Variants in PDSS2 observed in about 807,000 individuals in gnomAD.
PDSS2 encodes the protein all trans-polyprenyl-diphosphate synthase PDSS2.
In PDSS2, 31 loss-of-function variants were observed where a neutral mutation model predicts 44.5. That is an observed-to-expected ratio of 0.70 (90% confidence interval 0.52 to 0.94). The LOEUF (loss-of-function observed/expected upper bound fraction) is 0.94, where lower values mean the gene tolerates loss of function less well. Ranked by LOEUF, PDSS2 falls within the 40% of genes least tolerant of loss-of-function variation. PDSS2 has a pLI of 0.00. For missense variants in PDSS2, 452 were observed against 482.2 expected (o/e 0.94, Z 0.59); for synonymous variants, 157 against 180.3 (o/e 0.87, Z 1.03).
intron 2 of PDSS2, among the ~76,000 whole-genome samples, chr6:107,275,359 A>G (rs566121507): frequency 1.3e-5 from 2 of 152,160 alleles, no homozygotes; most frequent in Non-Finnish European, 2.9e-5. Context: ...TGATTTTCCC[A>G]AGAGTACACA....
At chr6:107,175,089 G>C (rs563416234) in intron 7 of PDSS2, among the ~76,000 whole-genome samples, 1 of 152,040 alleles carries the variant, frequency 6.6e-6, no homozygotes, top group South Asian at 2.1e-4. Context: ...GCACACGCCT[G>C]TAATCCCAGC....
chr6:107,225,642 G>A (rs1773794758), intron 4 of PDSS2, among the ~76,000 whole-genome samples: 2 of 151,832 alleles, frequency 1.3e-5, no homozygotes, highest in South Asian at 2.1e-4. Flanking sequence ...AGAATTATTG[G>A]GGTCAACAGA....
At chr6:107,258,854 A>G (rs1375637766) in intron 3 of PDSS2, among the ~76,000 whole-genome samples, 3 of 152,218 alleles carry the variant, frequency 2.0e-5, no homozygotes, top group Non-Finnish European at 4.4e-5. Flanking sequence ...TGAAATATGT[A>G]TTCCAATATT....
At chr6:107,163,297 T>C (rs899412419) in intron 7 of PDSS2, among the ~76,000 whole-genome samples, 1 of 152,218 alleles carries the variant, frequency 6.6e-6, no homozygotes, top group African/African-American at 2.4e-5. Context: ...TAATTTCTCA[T>C]ACCTGATGAC....
At chr6:107,429,611 G>C (rs1224161007) in intron 1 of PDSS2, among the ~76,000 whole-genome samples, 1 of 151,804 alleles carries the variant, frequency 6.6e-6, no homozygotes, top group Admixed American at 6.6e-5. Context: ...TAGGGTGGGC[G>C]CGGTGGCTCA....
intron 6 of PDSS2, among the ~76,000 whole-genome samples, chr6:107,207,562 A>G (rs1312564798): frequency 6.6e-6 from 1 of 152,042 alleles, no homozygotes; most frequent in Admixed American, 6.5e-5. Flanking sequence ...TTTACATAAA[A>G]ATGTACATTA....
chr6:107,419,965 G>C (rs1471297709), intron 1 of PDSS2, among the ~76,000 whole-genome samples: 1 of 152,158 alleles, frequency 6.6e-6, no homozygotes, highest in Non-Finnish European at 1.5e-5. Flanking sequence ...CAAAGTGTTG[G>C]TATTATGTAG....
At chr6:107,336,818 GGTGTGTGGTGTGTGTGTGTGTGTGT>G in intron 1 of PDSS2, among the ~76,000 whole-genome samples, 1 of 141,890 alleles carries the variant, frequency 7.0e-6, no homozygotes, top group Non-Finnish European at 1.5e-5. Flanking sequence ...AAGAAAAAGA[GGTGTGTGGTGTGTGTGTGTGTGTGT>G]GTGTGTGTGT....
chr6:107,284,387 G>A lies in PDSS2; in HGVS notation c.432-10160C>T, dbSNP rs940085629. 3.3e-5 allele frequency among the ~76,000 whole-genome samples: 5 copies of A among 152,194 alleles called. No individual in the cohort carries two copies. In the East Asian group the frequency reaches 5.8e-4, roughly 18 times the overall value. ...TTTAAAATTTGTTAACTGGCTGGGC[G>A]CGGTGGCTCACACCTGTAATCCCAG... On this transcript the variant is annotated intron_variant, in intron 2 of 7. Transcript: ENST00000369037.
chr6:107,188,915 T>A (rs565792942), intron 7 of PDSS2, among the ~76,000 whole-genome samples: 11 of 152,190 alleles, frequency 7.2e-5, no homozygotes, highest in Non-Finnish European at 1.6e-4. Flanking sequence ...TCTTTTTCAT[T>A]TTTTTTGAGA....
intron 4 of PDSS2, among the ~76,000 whole-genome samples, chr6:107,212,616 A>C (rs1773259481): frequency 6.6e-6 from 1 of 152,212 alleles, no homozygotes; most frequent in Admixed American, 6.5e-5. Context: ...TCAGTTCTTA[A>C]GTGCTGGTAT....
At chr6:107,383,066 C>T (rs559151409) in intron 1 of PDSS2, among the ~76,000 whole-genome samples, 1 of 151,814 alleles carries the variant, frequency 6.6e-6, no homozygotes, top group African/African-American at 2.4e-5. Flanking sequence ...CTTTGGGAGG[C>T]CGAGGCAGGC....
At chr6:107,430,318 G>A (rs568765797) in intron 1 of PDSS2, among the ~76,000 whole-genome samples, 25 of 152,044 alleles carry the variant, frequency 1.6e-4, no homozygotes, top group African/African-American at 5.1e-4. Context: ...TGGCGAACAC[G>A]ACAACACCCT....
intron 1 of PDSS2, among the ~76,000 whole-genome samples, chr6:107,415,990 A>AG (rs1780646444): frequency 6.6e-6 from 1 of 152,208 alleles, no homozygotes; most frequent in Non-Finnish European, 1.5e-5. Flanking sequence ...GGGAAGTAAC[A>AG]GGGGATATTA....
At chr6:107,304,328 A>C (rs1319053489) in intron 2 of PDSS2, among the ~76,000 whole-genome samples, 7 of 152,224 alleles carry the variant, frequency 4.6e-5, no homozygotes, top group Admixed American at 4.6e-4. Context: ...CTACATTTAC[A>C]AACTTCAGTT....
At position 107,459,414 on chromosome 6, in the gene PDSS2, C is replaced by T. The variant is rs1782174501; in HGVS notation, c.-129G>A. 1 of 730,130 alleles carries T rather than the reference C, an allele frequency of 1.4e-6. No homozygotes were observed. The highest frequency in any genetic ancestry group is 2.3e-6 in the Non-Finnish European group (1 of 435,210). 45.2% of individuals were successfully genotyped at this position (730,130 alleles called of 1,614,324 possible). On this transcript the variant is annotated 5_prime_UTR_variant, in exon 1 of 8. Coordinates refer to ENST00000369037, the MANE Select transcript of PDSS2 (RefSeq NM_020381.4). The surrounding 1 kb of genome is among the most constrained non-coding windows in gnomAD (Gnocchi z 4.3). The stretch of plus-strand genomic sequence containing the variant: ...ATTCTTGACCCTCAGAGTAAGGTGG[C>T]TTCCTGGAGCAGTGACCAGAAACGA...
intron 3 of PDSS2, chr6:107,264,456 G>C (rs1466884468): frequency 6.5e-7 from 1 of 1,549,634 alleles, no homozygotes; most frequent in Non-Finnish European, 8.7e-7. Context: ...ACAAGATCCA[G>C]GCTGACTCAC....
intron 7 of PDSS2, among the ~76,000 whole-genome samples, chr6:107,173,897 T>G (rs9398120): frequency 0.3 from 45,065 of 152,018 alleles, 6,908 homozygotes; most frequent in Middle Eastern, 0.41. Flanking sequence ...TAAGCTGCAA[T>G]TTGGCAGTGA....
At chr6:107,225,172 T>A (rs1335709106) in intron 4 of PDSS2, among the ~76,000 whole-genome samples, 2,008 of 77,258 alleles carry the variant, frequency 0.026, 163 homozygotes, top group African/African-American at 0.12. Flanking sequence ...TTTTTTTTTT[T>A]TTTTTTTTTT....
Sources: gnomAD v4.1 joint callset for allele counts (sites outside exome capture counted in the v4.1 genomes callset) on GRCh38, gnomAD v4.1.1 for gene constraint, Gnocchi (gnomAD v3.1) non-coding constraint, MANE v1.5 for transcripts, NCBI Gene and HGNC (gene_info 2026-07-23, HGNC 2026-07-21) for gene names.